Variants in UNC80 observed in about 807,000 individuals in gnomAD.
UNC80 encodes the protein unc-80 subunit of NALCN channel complex.
In UNC80, 164 loss-of-function variants were observed where a neutral mutation model predicts 384.6. That is an observed-to-expected ratio of 0.43 (90% CI 0.38 to 0.49). The LOEUF is 0.49. Ranked by LOEUF, UNC80 falls within the 20% of genes least tolerant of loss-of-function variation. The pLI is 0.00. For missense variants in UNC80, 3,330 were observed against 4,143.0 expected (o/e 0.80, Z 5.39); for synonymous variants, 1,486 against 1,527.8 (o/e 0.97, Z 0.64).
intron 47 of UNC80, among the ~76,000 whole-genome samples, chr2:209,949,967 A>ACAGGC (rs1313976644): frequency 1.3e-5 from 2 of 151,962 alleles, no homozygotes; most frequent in Non-Finnish European, 2.9e-5. Context: ...AGCCGGCACT[A>ACAGGC]CAGGCGGGTG....
At chr2:209,772,641 G>C (rs1387523864) in intron 1 of UNC80, among the ~76,000 whole-genome samples, 1 of 152,070 alleles carries the variant, frequency 6.6e-6, no homozygotes, top group Non-Finnish European at 1.5e-5. Context: ...TGTGATAAGG[G>C]ACCTTCCCCC....
Position 209,995,619 on chromosome 2 carries a change from G to C in UNC80, c.*24G>C. 10 of 1,547,746 alleles carry C rather than the reference G, an allele frequency of 6.5e-6. No individual in the cohort carries two copies. Among genetic ancestry groups the C allele is most frequent in the East Asian group, 2.4e-5 (1 of 40,858 alleles). ...AATTCTGTATCTTGTAAGCTCTGCAGGTATAGAGAAGACATGAAAGTGATC... is the reference window on the plus strand; with the variant it reads ...AATTCTGTATCTTGTAAGCTCTGCACGTATAGAGAAGACATGAAAGTGATC... On this transcript the variant is annotated 3_prime_UTR_variant, in exon 65 of 65. Transcript: ENST00000673920.
intron 22 of UNC80, among the ~76,000 whole-genome samples, chr2:209,856,477 T>C (rs2082927102): frequency 6.6e-6 from 1 of 152,142 alleles, no homozygotes; most frequent in Admixed American, 6.6e-5. Flanking sequence ...CCTTCATGGC[T>C]AGCACTTCTG....
rs548556065 is a variant in UNC80, at chr2:209,777,160, T to C, written c.299-98T>C. On this transcript the variant is annotated intron_variant, in intron 3 of 64. Transcript: ENST00000673920. The stretch of plus-strand genomic sequence containing the variant: ...CTGCTAGCAGTGGTTGTAAGAAGTA[T>C]AGAGAAAGGAGGGATATTCTTCCCA... 3.8e-5 allele frequency: 51 copies of C among 1,332,772 alleles called. No homozygotes were observed. The African/African-American group carries it at 6.9e-4, about 18-fold the overall frequency. The allele number at this position is 1,332,772 out of a possible 1,614,324, so 82.6% of individuals were successfully genotyped here.
intron 46 of UNC80, 132 bp from the exon 47 acceptor site, chr2:209,945,715 C>T (rs1003754839): frequency 1.7e-6 from 1 of 577,382 alleles, no homozygotes; most frequent in Non-Finnish European, 3.0e-6. Flanking sequence ...ATAGTTTTCA[C>T]AGCGTAGGAA....
intron 49 of UNC80, 45 bp from the exon 50 acceptor site, chr2:209,959,074 C>G: frequency 6.5e-7 from 1 of 1,539,312 alleles, no homozygotes; most frequent in Non-Finnish European, 8.8e-7. Context: ...CAAAGGACCC[C>G]GTTCTTGCTC....
At chr2:209,860,120 A>T (rs1173579515) in intron 22 of UNC80, among the ~76,000 whole-genome samples, 2 of 152,102 alleles carry the variant, frequency 1.3e-5, no homozygotes, top group African/African-American at 4.8e-5. Flanking sequence ...TGTGTCCTGA[A>T]TGGTATTGCC....
chr2:209,880,746 TTA>T (rs1325636624), intron 24 of UNC80, among the ~76,000 whole-genome samples: 2 of 152,176 alleles, frequency 1.3e-5, no homozygotes, highest in East Asian at 3.9e-4. Context: ...AGAGAGATGC[TTA>T]TGTTAGTGCA....
At chr2:209,875,053 T>C (rs2084657676) in intron 23 of UNC80, among the ~76,000 whole-genome samples, 1 of 152,146 alleles carries the variant, frequency 6.6e-6, no homozygotes, top group Admixed American at 6.6e-5. Context: ...TTTTTCCTAT[T>C]TGGTCTTCTC....
intron 25 of UNC80, among the ~76,000 whole-genome samples, chr2:209,884,805 C>A (rs2124902081): frequency 6.6e-6 from 1 of 152,158 alleles, no homozygotes; most frequent in Non-Finnish European, 1.5e-5. Flanking sequence ...GAACAGAAAA[C>A]CAAACACCGC....
chr2:209,772,268 C>A, intron 1 of UNC80, 104 bp downstream of exon 1: 2 of 441,428 alleles, frequency 4.5e-6, no homozygotes, highest in Non-Finnish European at 7.1e-6. Flanking sequence ...CGCGCCACAG[C>A]CTGCAGCTCC....
chr2:209,984,848 T>A lies in UNC80; in HGVS notation c.9258-8T>A, dbSNP rs1395591298. 10 of 1,547,718 alleles carry A rather than the reference T, an allele frequency of 6.5e-6. No homozygotes were observed. Among genetic ancestry groups the A allele is most frequent in the Non-Finnish European group, 8.7e-6 (10 of 1,145,088 alleles). ...CCTAAATGCTTCATCTCCCTACCCC[T>A]CCTGCAGTGAACCTAATGTCCTCGA... On this transcript the variant is annotated splice_region_variant and splice_polypyrimidine_tract_variant and intron_variant, in intron 60 of 64. Coordinates refer to ENST00000673920, the MANE Select transcript of UNC80 (RefSeq NM_001371986.1).
intron 23 of UNC80, among the ~76,000 whole-genome samples, chr2:209,873,357 C>T (rs2084476722): frequency 6.6e-6 from 1 of 152,134 alleles, no homozygotes; most frequent in African/African-American, 2.4e-5. Flanking sequence ...AAAATACACC[C>T]TTATTTCAGT....
intron 61 of UNC80, among the ~76,000 whole-genome samples, chr2:209,990,155 A>T (rs1405917389): frequency 2.0e-5 from 3 of 152,152 alleles, no homozygotes; most frequent in African/African-American, 7.2e-5. Flanking sequence ...TGAAATTACC[A>T]TTATGTTTTG....
At chr2:209,992,434 ACT>A (rs202096279) in intron 62 of UNC80, among the ~76,000 whole-genome samples, 187 bp downstream of exon 62, 4,487 of 151,936 alleles carry the variant, frequency 0.03, 93 homozygotes, top group Middle Eastern at 0.045. Flanking sequence ...ACATAGTAAG[ACT>A]CTGTCTCTAA....
chr2:209,970,357 C>T, intron 53 of UNC80: 1 of 173,976 alleles, frequency 5.7e-6, no homozygotes. Flanking sequence ...GAGTCTGGTC[C>T]TGACAAGGTT....
In UNC80 at chr2:209,904,798, A is replaced by C; in HGVS notation, c.4615A>C (p.Ile1539Leu). ...MILLCNQQSF[I>L]CTHVDYCHPH... Reference sequence around the variant, plus strand: ...CTTGCTGTGCAATCAGCAGAGTTTCATCTGCACTCACGTTGACTACTGCCA... The same window carrying C: ...CTTGCTGTGCAATCAGCAGAGTTTCCTCTGCACTCACGTTGACTACTGCCA... The change falls in exon 29 of 65, where the codon ATC (isoleucine) becomes CTC (leucine). Residue 1539 changes from isoleucine (I) to leucine (L), a missense_variant. Physicochemically the swap from Ile to Leu is conservative, Grantham distance 5. Transcript: ENST00000673920. 1.3e-6 allele frequency: 2 copies of C among 1,551,978 alleles called. No homozygotes were observed. Among genetic ancestry groups the C allele is most frequent in the Non-Finnish European group, 1.7e-6 (2 of 1,147,066 alleles).
intron 26 of UNC80, among the ~76,000 whole-genome samples, chr2:209,891,250 C>T (rs1453200430): frequency 6.6e-6 from 1 of 152,040 alleles, no homozygotes; most frequent in Non-Finnish European, 1.5e-5. Flanking sequence ...ATATCATATT[C>T]TATTGAATTT....
Position 209,825,796 on chromosome 2 carries a change from G to A in UNC80, c.2332-111G>A, listed in dbSNP as rs908987430. 1.0e-5 allele frequency: 10 copies of A among 999,336 alleles called. No homozygotes were observed. In the African/African-American group the frequency reaches 1.5e-4, roughly 15 times the overall value. The allele number at this position is 999,336 out of a possible 1,614,324, so 61.9% of individuals were successfully genotyped here. On this transcript the variant is annotated intron_variant, in intron 13 of 64. Transcript: ENST00000673920. ...CAATTCTGTTTTCCAAATTGCAGGT[G>A]CTCCCTGTAAAACATATAAACTTGA...
Sources: gnomAD v4.1 joint callset for allele counts (sites outside exome capture counted in the v4.1 genomes callset) on GRCh38, gnomAD v4.1.1 for gene constraint, MANE v1.5 for transcripts, NCBI Gene and HGNC (gene_info 2026-07-23, HGNC 2026-07-21) for gene names.